The following THSD7A variants were observed in gnomAD, a reference collection of about 807,000 sequenced individuals.
THSD7A encodes the protein thrombospondin type-1 domain-containing protein 7A.
Under a neutral mutation model 231.3 loss-of-function variants are expected in THSD7A, and 96 were observed. The observed-to-expected ratio is 0.41, with a 90% CI of 0.35 to 0.49. The LOEUF is 0.49. Ranked by LOEUF, THSD7A falls within the 20% of genes least tolerant of loss-of-function variation. THSD7A has a pLI of 0.05. For missense variants in THSD7A, 2,290 were observed against 2,070.2 expected, an observed-to-expected ratio of 1.11 and a Z score of -2.06; for synonymous variants, 940 against 743.3, an observed-to-expected ratio of 1.26 and a Z score of -4.30.
intron 2 of THSD7A, among the ~76,000 whole-genome samples, chr7:11,598,655 G>A (rs1780450120): frequency 1.3e-5 from 2 of 152,142 alleles, no homozygotes; most frequent in African/African-American, 2.4e-5. Context: ...TTCTCCAGAC[G>A]GCCGTGAATG....
intron 3 of THSD7A, 124 bp downstream of exon 3, chr7:11,593,130 T>C (rs1780229358): frequency 2.2e-6 from 3 of 1,333,580 alleles, no homozygotes; most frequent in African/African-American, 2.9e-5. Flanking sequence ...TTTTTAAGGA[T>C]ACTGTTTGTA....
At chr7:11,723,682 G>A (rs565471687) in intron 1 of THSD7A, among the ~76,000 whole-genome samples, 2 of 151,868 alleles carry the variant, frequency 1.3e-5, no homozygotes, top group East Asian at 2.0e-4. Context: ...AGGAGATCAG[G>A]AGGCTAGCCA....
rs1264605077 is a variant in THSD7A at position 11,444,860 on chromosome 7, A to G, written c.3064+1201T>C. 6.8e-6 allele frequency among the ~76,000 whole-genome samples: 1 copy of G among 147,686 alleles called. No individual in the cohort carries two copies. The highest frequency in any genetic ancestry group is 1.5e-5 in the Non-Finnish European group (1 of 67,134). ...ATATATAATTAAACTATATATATAAAACTATCATTATATATAACTATTTTA... is the reference window on the plus strand; with the variant it reads ...ATATATAATTAAACTATATATATAAGACTATCATTATATATAACTATTTTA... On this transcript the variant is annotated intron_variant, in intron 13 of 27. Coordinates refer to ENST00000423059, the MANE Select transcript of THSD7A (RefSeq NM_015204.3). The surrounding 1 kb of genome is among the most constrained non-coding windows in gnomAD (Gnocchi z 4.2).
chr7:11,627,864 C>T (rs558220501), intron 2 of THSD7A, among the ~76,000 whole-genome samples: 12 of 151,752 alleles, frequency 7.9e-5, no homozygotes, highest in African/African-American at 1.7e-4. Context: ...AAAATGTATG[C>T]GCTCCCCTTT....
chr7:11,758,010 CATATATAT>C (rs3037680), intron 1 of THSD7A, among the ~76,000 whole-genome samples: 30,441 of 142,684 alleles, frequency 0.21, 3,482 homozygotes, highest in East Asian at 0.32. Context: ...CATATGCATT[CATATATAT>C]ATATATATAT....
At position 11,814,707 on chromosome 7, in the gene THSD7A, C is replaced by T. The variant is rs945925803; in HGVS notation, c.190+17050G>A. Among the ~76,000 whole-genome samples, 10 of 152,104 alleles carry T rather than the reference C, an allele frequency of 6.6e-5. No homozygotes were observed. Among genetic ancestry groups the T allele is most frequent in the African/African-American group, 2.4e-4 (10 of 41,418 alleles). On this transcript the variant is annotated intron_variant, in intron 1 of 27. Transcript: ENST00000423059. This position sits in a 1 kb window ranked among gnomAD's most constrained non-coding sequence, Gnocchi z 5.1. ...TTACATTAAATATTGCAGTAAGAGA[C>T]AGGGAGAGAAATGTATCTTAGCAGC... is the stretch of plus-strand genomic sequence containing the variant.
At chr7:11,813,625 A>G (rs1160396251) in intron 1 of THSD7A, among the ~76,000 whole-genome samples, 6 of 151,982 alleles carry the variant, frequency 3.9e-5, no homozygotes, top group Non-Finnish European at 7.4e-5. Context: ...AGGCAGGGGA[A>G]TCACTTGAAC....
At chr7:11,585,112 T>C (rs1041418833) in intron 4 of THSD7A, among the ~76,000 whole-genome samples, 1 of 152,192 alleles carries the variant, frequency 6.6e-6, no homozygotes, top group African/African-American at 2.4e-5. Flanking sequence ...TTCTTTGCCT[T>C]TTTGGTTGAA....
chr7:11,637,622 T>C lies in THSD7A; in HGVS notation c.191-661A>G, dbSNP rs953342507. ...TTCCCAAGTGAAGTATAGAGCTGGGTAAGGGAATTTAAATGTAACTAAAAG... is the reference window on the plus strand; with the variant it reads ...TTCCCAAGTGAAGTATAGAGCTGGGCAAGGGAATTTAAATGTAACTAAAAG... On this transcript the variant is annotated intron_variant, in intron 1 of 27. Transcript: ENST00000423059. The surrounding 1 kb of genome is among the most constrained non-coding windows in gnomAD (Gnocchi z 4.2). Among the ~76,000 whole-genome samples, 4 of 152,138 alleles carry C rather than the reference T, an allele frequency of 2.6e-5. No individual in the cohort carries two copies. The highest frequency in any genetic ancestry group is 9.7e-5 in the African/African-American group (4 of 41,436).
chr7:11,417,706 T>G, intron 16 of THSD7A, 103 bp from the exon 17 acceptor site: 2 of 1,204,180 alleles, frequency 1.7e-6, no homozygotes, highest in Non-Finnish European at 2.3e-6. Context: ...ATGGTTCTCC[T>G]TAAGACATCG....
intron 1 of THSD7A, among the ~76,000 whole-genome samples, chr7:11,781,047 G>GAGAATT (rs1255173270): frequency 1.6e-5 from 2 of 127,090 alleles, no homozygotes; most frequent in East Asian, 4.6e-4. Context: ...AATTTATAGG[G>GAGAATT]AGAATTATGA....
rs1279009117 is a variant in THSD7A, at chr7:11,406,198, G to T, written c.4237+102C>A. ...TGGCATAGATATTACTGAATAAGAA[G>T]ACTGTTGACATCCTGTAACTTATAC... On this transcript the variant is annotated intron_variant, in intron 22 of 27. Coordinates refer to ENST00000423059, the MANE Select transcript of THSD7A (RefSeq NM_015204.3). This position sits in a 1 kb window ranked among gnomAD's most constrained non-coding sequence, Gnocchi z 4.7. The T allele has an allele frequency of 1.7e-6, 2 of 1,178,816 alleles. No individual in the cohort carries two copies. Among genetic ancestry groups the T allele is most frequent in the Non-Finnish European group, 2.4e-6 (2 of 837,926 alleles). 73.0% of individuals were successfully genotyped at this position (1,178,816 alleles called of 1,614,324 possible).
intron 1 of THSD7A, among the ~76,000 whole-genome samples, chr7:11,678,728 C>G (rs1173094523): frequency 6.6e-6 from 1 of 151,896 alleles, no homozygotes; most frequent in Non-Finnish European, 1.5e-5. Context: ...CAAAAAAATG[C>G]CTAGGACAAG....
rs142637565 is a variant in THSD7A at position 11,461,778 on chromosome 7, G to C, written c.2501+233C>G. On this transcript the variant is annotated intron_variant, in intron 10 of 27. Transcript: ENST00000423059. The stretch of plus-strand genomic sequence containing the variant: ...CATAAGACATTTCCCCAAACTACTG[G>C]AGCTAACACGTCACCTTGGAAGTTT... Among the ~76,000 whole-genome samples the C allele has an allele frequency of 2.8e-4, 42 of 152,230 alleles. 2 individuals carry two copies. The highest frequency in any genetic ancestry group is 9.9e-4 in the African/African-American group (41 of 41,544).
chr7:11,408,563 G>A (rs537067423), intron 19 of THSD7A, among the ~76,000 whole-genome samples: 144 of 151,892 alleles, frequency 9.5e-4, no homozygotes, highest in South Asian at 4.6e-3. Flanking sequence ...CTTGTTAGGA[G>A]AATATAAGTT....
intron 16 of THSD7A, among the ~76,000 whole-genome samples, chr7:11,421,223 G>A (rs886882663): frequency 7.2e-5 from 11 of 152,224 alleles, no homozygotes; most frequent in African/African-American, 1.9e-4. Context: ...TCTCATGTTG[G>A]GGGAGGGACC....
At chr7:11,790,227 A>T (rs1276571022) in intron 1 of THSD7A, among the ~76,000 whole-genome samples, 2 of 151,990 alleles carry the variant, frequency 1.3e-5, no homozygotes, top group Non-Finnish European at 1.5e-5. Flanking sequence ...AAGGTAGAGA[A>T]TATTTAGCTT....
intron 23 of THSD7A, chr7:11,385,174 G>A (rs1327795063): frequency 6.7e-6 from 1 of 149,358 alleles, no homozygotes; most frequent in African/African-American, 2.4e-5. Flanking sequence ...CAATGTTTCT[G>A]AATTTTCTTA....
intron 1 of THSD7A, among the ~76,000 whole-genome samples, chr7:11,813,490 G>A (rs1252670090): frequency 6.6e-6 from 1 of 151,976 alleles, no homozygotes; most frequent in Non-Finnish European, 1.5e-5. Context: ...AAGGCAGGCG[G>A]ATCACGAGGT....
Sources: gnomAD v4.1 joint callset for allele counts (sites outside exome capture counted in the v4.1 genomes callset) on GRCh38, gnomAD v4.1.1 for gene constraint, Gnocchi (gnomAD v3.1) non-coding constraint, MANE v1.5 for transcripts, NCBI Gene and HGNC (gene_info 2026-07-23, HGNC 2026-07-21) for gene names.